PTK2: variants seen among roughly 807,000 people sequenced by gnomAD.
PTK2 encodes protein tyrosine kinase 2.
Under a neutral mutation model 150.1 loss-of-function variants are expected in PTK2, and 45 were observed. The observed-to-expected ratio is 0.30, with a 90% CI of 0.24 to 0.38. The LOEUF is 0.38. Among genes scored for constraint, PTK2 ranks in the 10% least tolerant of loss-of-function variants. PTK2 has a pLI of 1.00. For missense variants in PTK2, 919 were observed against 1,307.3 expected, an observed-to-expected ratio of 0.70 and a Z score of 4.58; for synonymous variants, 432 against 449.2, an observed-to-expected ratio of 0.96 and a Z score of 0.48.
At position 140,864,439 on chromosome 8, in the gene PTK2, C is replaced by A. The variant is rs568087503; in HGVS notation, c.363-40G>T. ...CAAAACAGAACAATTAGAAATCAGT[C>A]ATTTTCTCAATTTACAGTCTACAAT... On this transcript the variant is annotated intron_variant, in intron 4 of 31. Transcript: ENST00000522684. 4 of 1,245,876 alleles carry A rather than the reference C, an allele frequency of 3.2e-6. No individual in the cohort carries two copies. In the South Asian group the frequency reaches 5.4e-5, roughly 17 times the overall value. The allele number at this position is 1,245,876 out of a possible 1,614,324, so 77.2% of individuals were successfully genotyped here.
chr8:140,809,062 A>T (rs1391988364), intron 10 of PTK2, among the ~76,000 whole-genome samples: 2 of 152,184 alleles, frequency 1.3e-5, no homozygotes, highest in African/African-American at 2.4e-5. Flanking sequence ...AGTATACAGA[A>T]ATACAATGGA....
intron 27 of PTK2, among the ~76,000 whole-genome samples, chr8:140,681,987 G>C (rs545277468): frequency 6.6e-6 from 1 of 152,134 alleles, no homozygotes; most frequent in Non-Finnish European, 1.5e-5. Flanking sequence ...GGCATAAATA[G>C]GTTAAATATA....
At position 140,925,592 on chromosome 8, in the gene PTK2, C is replaced by G. The variant is rs1052370286; in HGVS notation, c.-33+69G>C. 1.4e-5 allele frequency: 13 copies of G among 901,732 alleles called. No individual in the cohort carries two copies. In the African/African-American group the frequency reaches 2.3e-4, roughly 16 times the overall value. 55.9% of individuals were successfully genotyped at this position (901,732 alleles called of 1,614,324 possible). On this transcript the variant is annotated intron_variant, in intron 2 of 31. Transcript: ENST00000522684. ...AAAGACAGACAACAGGAAATACCAA[C>G]AAGTTCCAAAAGGTGACAGTACTGG...
At chr8:140,778,475 G>A (rs1182947649) in intron 14 of PTK2, among the ~76,000 whole-genome samples, 1 of 152,194 alleles carries the variant, frequency 6.6e-6, no homozygotes, top group Admixed American at 6.5e-5. Context: ...ATCTAACTGG[G>A]TGAGGACAAG....
chr8:140,869,328 A>T (rs1190520341), intron 4 of PTK2, among the ~76,000 whole-genome samples: 1 of 152,238 alleles, frequency 6.6e-6, no homozygotes, highest in Admixed American at 6.5e-5. Flanking sequence ...ATGCTTCTAA[A>T]GATGAACAGT....
chr8:140,757,982 C>T (rs960714740), intron 16 of PTK2, among the ~76,000 whole-genome samples: 1 of 152,058 alleles, frequency 6.6e-6, no homozygotes, highest in African/African-American at 2.4e-5. Flanking sequence ...GTGATTAATA[C>T]ATGATAATGA....
chr8:140,718,899 C>T (rs1044810378), intron 22 of PTK2, among the ~76,000 whole-genome samples: 5 of 152,276 alleles, frequency 3.3e-5, no homozygotes, highest in South Asian at 2.1e-4. Flanking sequence ...ACATCAGGAC[C>T]GGGCATGGTG....
At chr8:140,976,463 T>A (rs912098169) in intron 1 of PTK2, among the ~76,000 whole-genome samples, 1 of 152,244 alleles carries the variant, frequency 6.6e-6, no homozygotes, top group Admixed American at 6.5e-5. Flanking sequence ...AAATTTTCTC[T>A]TTTCCTTAAG....
chr8:140,937,796 T>C (rs2100174201), intron 1 of PTK2, among the ~76,000 whole-genome samples: 1 of 152,090 alleles, frequency 6.6e-6, no homozygotes, highest in Non-Finnish European at 1.5e-5. Flanking sequence ...TAGAATATGA[T>C]TCAGTTGGAC....
At chr8:140,725,334 C>T (rs550386213) in intron 22 of PTK2, among the ~76,000 whole-genome samples, 3 of 137,656 alleles carry the variant, frequency 2.2e-5, no homozygotes, top group South Asian at 4.7e-4. Flanking sequence ...GTTTCTGCTA[C>T]GTGTGAGTAG....
chr8:140,896,022 A>C (rs1341086594), intron 2 of PTK2, among the ~76,000 whole-genome samples: 1 of 152,200 alleles, frequency 6.6e-6, no homozygotes, highest in Non-Finnish European at 1.5e-5. Flanking sequence ...AATGAAGAAG[A>C]GAATATAATA....
intron 1 of PTK2, among the ~76,000 whole-genome samples, chr8:140,986,252 C>G (rs1042041134): frequency 6.6e-6 from 1 of 152,130 alleles, no homozygotes; most frequent in African/African-American, 2.4e-5. Context: ...TTTAATTGGC[C>G]ACATGTGGCT....
intron 10 of PTK2, among the ~76,000 whole-genome samples, chr8:140,809,131 A>G (rs564480047): frequency 6.6e-6 from 1 of 152,330 alleles, no homozygotes; most frequent in East Asian, 1.9e-4. Flanking sequence ...CAAGAAGAAA[A>G]TGGCCTCCAA....
chr8:140,882,805 C>G (rs923457910), intron 3 of PTK2, among the ~76,000 whole-genome samples: 2 of 152,154 alleles, frequency 1.3e-5, no homozygotes, highest in Non-Finnish European at 2.9e-5. Flanking sequence ...TGCATAGAAA[C>G]AGACAAAATT....
rs551667903 is a variant in PTK2 at position 140,903,272 on chromosome 8, T to C, written c.-32-12503A>G. Among the ~76,000 whole-genome samples, 664 of 152,256 alleles carry C rather than the reference T, an allele frequency of 4.4e-3. 3 individuals are homozygous for C. The highest frequency in any genetic ancestry group is 0.011 in the South Asian group (53 of 4,826). On this transcript the variant is annotated intron_variant, in intron 2 of 31. Transcript: ENST00000522684. ...CCATTGCTTGTTTTTGTCAGGTTTG[T>C]CAAAGATCAGATGGTTGTAGATGTA...
chr8:140,859,957 T>C (rs2100135085), intron 5 of PTK2, among the ~76,000 whole-genome samples: 1 of 152,194 alleles, frequency 6.6e-6, no homozygotes, highest in Non-Finnish European at 1.5e-5. Context: ...GTCAAATATA[T>C]AATTACTTAC....
intron 16 of PTK2, among the ~76,000 whole-genome samples, chr8:140,757,894 T>C (rs1432443779): frequency 6.6e-6 from 1 of 152,228 alleles, no homozygotes; most frequent in Non-Finnish European, 1.5e-5. Flanking sequence ...ATTTCTTATG[T>C]GATCATGGTG....
chr8:140,841,495 A>G (rs1269595896), intron 7 of PTK2, among the ~76,000 whole-genome samples: 1 of 152,160 alleles, frequency 6.6e-6, no homozygotes, highest in Non-Finnish European at 1.5e-5. Flanking sequence ...ATGAATACAC[A>G]AAAGTTTCAA....
intron 22 of PTK2, among the ~76,000 whole-genome samples, chr8:140,732,070 C>T (rs891972229): frequency 2.0e-5 from 3 of 152,044 alleles, no homozygotes; most frequent in South Asian, 4.2e-4. Flanking sequence ...ATTTTAACGA[C>T]CAAAGGGCTA....
Sources: gnomAD v4.1 joint callset for allele counts (sites outside exome capture counted in the v4.1 genomes callset) on GRCh38, gnomAD v4.1.1 for gene constraint, MANE v1.5 for transcripts, NCBI Gene and HGNC (gene_info 2026-07-23, HGNC 2026-07-21) for gene names.